Variants in DNAJC1 observed in about 807,000 individuals in gnomAD.
DNAJC1 encodes DnaJ heat shock protein family (Hsp40) member C1.
Under a neutral mutation model 76.6 loss-of-function variants are expected in DNAJC1, and 58 were observed. The ratio of observed to expected loss-of-function variants is 0.76; its 90% CI spans 0.61 to 0.94. The LOEUF (loss-of-function observed/expected upper bound fraction) is 0.94. DNAJC1 is among the 40% of genes least tolerant of loss of function. The probability of loss-of-function intolerance (pLI) is 0.00; values close to 1 mark genes in which losing one functional copy is unlikely to be tolerated. For synonymous variants in DNAJC1, 258 were observed against 267.9 expected (o/e 0.96, Z 0.36); for missense variants, 689 against 677.3 (o/e 1.02, Z -0.19).
At chr10:21,891,886 A>T (rs1031542558) in intron 7 of DNAJC1, among the ~76,000 whole-genome samples, 1 of 152,234 alleles carries the variant, frequency 6.6e-6, no homozygotes, top group African/African-American at 2.4e-5. Context: ...GAAAGGACAA[A>T]AGAGTAAAAA....
rs139872170 is a variant in DNAJC1 at position 21,833,973 on chromosome 10, G to A, written c.979-27874C>T. ...TAAAAAAAAATACTTTATGAAAGAG[G>A]GGTTCCCCAGGCCAGGTGCGGTGGC... On this transcript the variant is annotated intron_variant, in intron 8 of 11. Transcript: ENST00000376980. 6.0e-3 allele frequency among the ~76,000 whole-genome samples: 907 copies of A among 152,108 alleles called. 12 individuals are homozygous for A. The highest frequency in any genetic ancestry group is 0.021 in the African/African-American group (859 of 41,496).
chr10:21,849,468 A>G (rs1310459101), intron 8 of DNAJC1, among the ~76,000 whole-genome samples: 2 of 151,992 alleles, frequency 1.3e-5, no homozygotes, highest in South Asian at 2.1e-4. Flanking sequence ...AATAGAATCA[A>G]TGAAACAAAA....
intron 8 of DNAJC1, among the ~76,000 whole-genome samples, chr10:21,872,302 T>G (rs1407538928): frequency 6.6e-6 from 1 of 152,110 alleles, no homozygotes; most frequent in African/African-American, 2.4e-5. Flanking sequence ...ACGCCTGACC[T>G]CCGGTGATCT....
At chr10:21,954,169 G>C (rs569485042) in intron 1 of DNAJC1, among the ~76,000 whole-genome samples, 2 of 152,152 alleles carry the variant, frequency 1.3e-5, no homozygotes, top group African/African-American at 4.8e-5. Context: ...ACTTACTCGG[G>C]ATTAATGAAT....
chr10:21,896,027 C>A (rs1411438894), intron 7 of DNAJC1, among the ~76,000 whole-genome samples: 1 of 151,964 alleles, frequency 6.6e-6, no homozygotes. Context: ...GCACAGAGTA[C>A]GTGAGTTGTG....
chr10:21,993,403 T>A (rs1473930317), intron 1 of DNAJC1, among the ~76,000 whole-genome samples: 1 of 152,172 alleles, frequency 6.6e-6, no homozygotes, highest in African/African-American at 2.4e-5. Flanking sequence ...AGGCAGGGCA[T>A]CACTATCTCA....
intron 8 of DNAJC1, among the ~76,000 whole-genome samples, chr10:21,824,268 CACACCAAAAA>C: frequency 6.6e-6 from 1 of 152,278 alleles, no homozygotes; most frequent in Admixed American, 6.5e-5. Flanking sequence ...TGTCATACCC[CACACCAAAAA>C]CTAGGCTAGG....
chr10:21,978,699 G>C (rs540292820), intron 1 of DNAJC1, among the ~76,000 whole-genome samples: 1 of 152,168 alleles, frequency 6.6e-6, no homozygotes, highest in Non-Finnish European at 1.5e-5. Flanking sequence ...AGGAAAAAGA[G>C]GGAAAAGACT....
At chr10:21,968,476 C>G (rs1381167799) in intron 1 of DNAJC1, among the ~76,000 whole-genome samples, 1 of 151,528 alleles carries the variant, frequency 6.6e-6, no homozygotes, top group Non-Finnish European at 1.5e-5. Context: ...TTTCTCCATA[C>G]TTTAAATTCT....
At chr10:21,810,213 T>C (rs887142376) in intron 8 of DNAJC1, among the ~76,000 whole-genome samples, 1 of 152,186 alleles carries the variant, frequency 6.6e-6, no homozygotes, top group African/African-American at 2.4e-5. Flanking sequence ...TTGGCCCAAC[T>C]GGTTTTTCAA....
intron 1 of DNAJC1, among the ~76,000 whole-genome samples, chr10:21,971,872 TTGAA>T (rs1837984501): frequency 6.6e-6 from 1 of 151,906 alleles, no homozygotes; most frequent in African/African-American, 2.4e-5. Context: ...GAAAACATGA[TTGAA>T]TGTGTCATGT....
At chr10:21,812,466 AGTTTT>A (rs1190607158) in intron 8 of DNAJC1, among the ~76,000 whole-genome samples, 1 of 152,120 alleles carries the variant, frequency 6.6e-6, no homozygotes, top group Non-Finnish European at 1.5e-5. Flanking sequence ...TCTTCTTATT[AGTTTT>A]AAGATTTTTT....
chr10:21,931,039 A>G (rs892844636), intron 1 of DNAJC1, among the ~76,000 whole-genome samples: 23 of 152,232 alleles, frequency 1.5e-4, no homozygotes, highest in African/African-American at 5.5e-4. Context: ...CAGTCTTACC[A>G]TTCTGATCCC....
At chr10:21,986,680 A>G (rs1295916522) in intron 1 of DNAJC1, among the ~76,000 whole-genome samples, 1 of 152,170 alleles carries the variant, frequency 6.6e-6, no homozygotes, top group Non-Finnish European at 1.5e-5. Flanking sequence ...CATTCCTGGG[A>G]TAAATTCCAC....
chr10:21,781,230 T>C (rs1834523689), intron 9 of DNAJC1, among the ~76,000 whole-genome samples: 1 of 152,120 alleles, frequency 6.6e-6, no homozygotes, highest in Non-Finnish European at 1.5e-5. Context: ...GAACTCAGCT[T>C]TGCACCAAGC....
chr10:21,892,564 T>TAC (rs1836477566), intron 7 of DNAJC1, among the ~76,000 whole-genome samples: 1 of 151,950 alleles, frequency 6.6e-6, no homozygotes, highest in East Asian at 1.9e-4. Flanking sequence ...AACCATTTAA[T>TAC]ACACACACAC....
At position 22,003,654 on chromosome 10, in the gene DNAJC1, C is replaced by T. The variant is rs1006140381; in HGVS notation, c.-220G>A. On this transcript the variant is annotated 5_prime_UTR_variant, in exon 1 of 12. Transcript: ENST00000376980. ...GGTAGGCGGGCGGGGCCGCAGCCAG[C>T]GCTACGTTCCGAAGACCCTCGCCCC... 2 of 445,726 alleles carry T rather than the reference C, an allele frequency of 4.5e-6. No individual in the cohort carries two copies. The highest frequency in any genetic ancestry group is 7.4e-6 in the Non-Finnish European group (2 of 270,784). The allele number at this position is 445,726 out of a possible 1,614,324, so 27.6% of individuals were successfully genotyped here.
chr10:21,789,117 T>G (rs1429694290), intron 9 of DNAJC1, among the ~76,000 whole-genome samples: 1 of 152,060 alleles, frequency 6.6e-6, no homozygotes, highest in Admixed American at 6.5e-5. Flanking sequence ...GCAAGAGGGA[T>G]CCCCTTGGCT....
chr10:21,935,572 G>GA (rs1050251994), intron 1 of DNAJC1, among the ~76,000 whole-genome samples: 9 of 151,776 alleles, frequency 5.9e-5, no homozygotes, highest in African/African-American at 1.2e-4. Flanking sequence ...CATATTTGAA[G>GA]AAAAAATGAC....
Sources: allele counts gnomAD v4.1 joint callset (sites outside exome capture counted in the v4.1 genomes callset), GRCh38; gene constraint gnomAD v4.1.1; transcripts MANE v1.5; gene names NCBI Gene and HGNC (gene_info 2026-07-23, HGNC 2026-07-21).